The following GPR173 variants were observed in gnomAD, a reference collection of about 807,000 sequenced individuals.
The protein encoded by GPR173 is G protein-coupled receptor 173.
A neutral mutation model predicts 13.9 loss-of-function variants in GPR173; 2 were observed. The observed-to-expected ratio is 0.14, with a 90% CI of 0.06 to 0.45. The LOEUF is 0.45. Ranked by LOEUF, GPR173 falls within the 20% of genes least tolerant of loss-of-function variation. GPR173 has a pLI of 0.98. For synonymous variants in GPR173, 131 were observed against 141.0 expected (o/e 0.93, Z 0.50); for missense variants, 202 against 340.5 (o/e 0.59, Z 3.20).
At chrX:53,072,222 T>G (rs1556804831) in intron 1 of GPR173, among the ~76,000 whole-genome samples, 1 of 110,469 alleles carries the variant, frequency 9.1e-6, no homozygotes, top group African/African-American at 3.3e-5. Flanking sequence ...CTTCTCGGTC[T>G]TAGCGTGGCT....
chrX:53,067,694 G>C (rs1932201800), intron 1 of GPR173, among the ~76,000 whole-genome samples: 1 of 110,763 alleles, frequency 9.0e-6, no homozygotes, highest in Admixed American at 9.6e-5. Context: ...CATGGTGGCA[G>C]GTGCCTGTAG....
chrX:53,070,283 C>T (rs1339369009), intron 1 of GPR173, among the ~76,000 whole-genome samples: 2 of 110,603 alleles, frequency 1.8e-5, no homozygotes, highest in African/African-American at 6.6e-5. Flanking sequence ...TTTGAGATCT[C>T]GTTCATCCAT....
chrX:53,053,267 TTATG>T (rs782489135), intron 1 of GPR173, among the ~76,000 whole-genome samples: 83 of 112,635 alleles, frequency 7.4e-4, no homozygotes, highest in African/African-American at 2.4e-3. Context: ...ATCTAGGTGT[TTATG>T]TGTGTGAGTG....
At position 53,077,104 on chromosome X, in the gene GPR173, C is replaced by T; in HGVS notation, c.483C>T (p.Asp161=). The part of the protein sequence containing the change: ...SVAMAFPPVF[D]VGTYKFIREE... ...CCATGGCCTTCCCACCTGTCTTTGA[C>T]GTGGGCACCTACAAGTTTATTCGGG... The change falls in exon 2 of 2, where the codon GAC becomes GAT. Residue 161 remains aspartate, a synonymous_variant. Coordinates refer to ENST00000332582, the MANE Select transcript of GPR173 (RefSeq NM_018969.6). 3 of 1,209,474 alleles carry T rather than the reference C, an allele frequency of 2.5e-6. No homozygotes were observed. The highest frequency in any genetic ancestry group is 2.2e-6 in the Non-Finnish European group (2 of 893,598).
At chrX:53,074,146 T>A (rs1205854079) in intron 1 of GPR173, among the ~76,000 whole-genome samples, 1 of 92,044 alleles carries the variant, frequency 1.1e-5, no homozygotes, top group African/African-American at 4.9e-5. Flanking sequence ...ACATGTATAT[T>A]TATTCATATA....
chrX:53,069,648 G>T (rs1932232358), intron 1 of GPR173, among the ~76,000 whole-genome samples: 1 of 112,558 alleles, frequency 8.9e-6, no homozygotes, highest in African/African-American at 3.2e-5. Context: ...ACACATGTTT[G>T]CCCATGTGTA....
rs368537716 is a variant in GPR173, at chrX:53,077,519, T to G, written c.898T>G (p.Ser300Ala). Residue 300 changes from serine to alanine, a missense_variant, in exon 2 of 2, where the codon TCA becomes GCA. Ser to Ala is a moderately conservative substitution (Grantham distance 99, BLOSUM62 1). Transcript: ENST00000332582. Reference sequence around the variant, plus strand: ...CACACTGCTCTTTCTGCTCCTCTGGTCACCCTACATCGTGGCCTGCTACTG... The same window carrying G: ...CACACTGCTCTTTCTGCTCCTCTGGGCACCCTACATCGTGGCCTGCTACTG... ...AITLLFLLLW[S>A]PYIVACYWRV... The G allele has an allele frequency of 5.0e-6, 6 of 1,210,024 alleles. No individual in the cohort carries two copies. The highest frequency in any genetic ancestry group is 6.7e-6 in the Non-Finnish European group (6 of 894,644).
intron 1 of GPR173, among the ~76,000 whole-genome samples, chrX:53,071,811 C>T (rs1932261104): frequency 8.9e-6 from 1 of 111,999 alleles, no homozygotes; most frequent in African/African-American, 3.2e-5. Flanking sequence ...CCTCTGCCTC[C>T]GTGTGCGTGT....
rs1250369183 is a variant in GPR173 at position 53,079,155 on chromosome X, C to T, written c.*1412C>T. The T allele has an allele frequency of 8.1e-6, 1 of 122,987 alleles. No homozygotes were observed. The highest frequency in any genetic ancestry group is 1.9e-5 in the Non-Finnish European group (1 of 53,139). 10.1% of individuals were successfully genotyped at this position (122,987 alleles called of 1,213,427 possible). A position where few individuals can be genotyped will look rare whatever the true frequency, so the allele number is the denominator to read the frequency against. On this transcript the variant is annotated 3_prime_UTR_variant, in exon 2 of 2. Coordinates refer to ENST00000332582, the MANE Select transcript of GPR173 (RefSeq NM_018969.6). ...CCCTGGTCTTACCCAGGCTCTCTGT[C>T]CCCCTCTCACTTCCTGTGGGGCCGG...
At chrX:53,052,527 G>A (rs924627380) in intron 1 of GPR173, among the ~76,000 whole-genome samples, 33 of 110,174 alleles carry the variant, frequency 3.0e-4, no homozygotes, top group Non-Finnish European at 3.0e-4. Flanking sequence ...CTGGCTGTGT[G>A]TGTTTCATTG....
At chrX:53,057,679 G>A (rs1294533786) in intron 1 of GPR173, among the ~76,000 whole-genome samples, 2 of 110,043 alleles carry the variant, frequency 1.8e-5, no homozygotes, top group Non-Finnish European at 3.8e-5. Flanking sequence ...ACTTGAACCC[G>A]GGAGGTGGAG....
intron 1 of GPR173, among the ~76,000 whole-genome samples, chrX:53,062,820 G>A (rs1227928591): frequency 3.6e-5 from 4 of 110,398 alleles, no homozygotes; most frequent in African/African-American, 1.3e-4. Context: ...TGGGATTACC[G>A]TGCCCAGCCA....
At chrX:53,057,926 C>CCA (rs1251854854) in intron 1 of GPR173, among the ~76,000 whole-genome samples, 1 of 112,285 alleles carries the variant, frequency 8.9e-6, no homozygotes, top group Non-Finnish European at 1.9e-5. Context: ...TAGTATGTGT[C>CCA]CATCTGCAAG....
At chrX:53,074,704 T>C (rs1317231282) in intron 1 of GPR173, among the ~76,000 whole-genome samples, 1 of 90,604 alleles carries the variant, frequency 1.1e-5, no homozygotes, top group Non-Finnish European at 2.1e-5. Flanking sequence ...AATATATAAA[T>C]ATATATTTAT....
intron 1 of GPR173, among the ~76,000 whole-genome samples, chrX:53,073,862 A>C (rs868967761): frequency 7.3e-5 from 2 of 27,584 alleles, no homozygotes; most frequent in Non-Finnish European, 1.6e-4. Flanking sequence ...ATAAATTTAT[A>C]TATTTTATAT....
intron 1 of GPR173, among the ~76,000 whole-genome samples, chrX:53,076,190 GAC>G (rs1932428987): frequency 9.0e-6 from 1 of 110,898 alleles, no homozygotes; most frequent in Admixed American, 9.5e-5. Context: ...AGGGCTCGTA[GAC>G]ACACTAACCC....
rs1320358721 is a variant in GPR173 at position 53,079,473 on chromosome X, A to T, written c.*1730A>T. On this transcript the variant is annotated 3_prime_UTR_variant, in exon 2 of 2. Coordinates refer to ENST00000332582, the MANE Select transcript of GPR173 (RefSeq NM_018969.6). ...CAAGGGGGTGGGGGGTAGATAGGGT[A>T]CATTTAGGAGGGTTTTCCTCCATTT... The T allele has an allele frequency of 8.3e-6, 1 of 120,589 alleles. No individual in the cohort carries two copies. The highest frequency in any genetic ancestry group is 3.3e-5 in the African/African-American group (1 of 30,215). The allele number at this position is 120,589 out of a possible 1,213,427, so 9.9% of individuals were successfully genotyped here.
intron 1 of GPR173, among the ~76,000 whole-genome samples, chrX:53,064,321 C>T (rs1413080105): frequency 5.4e-5 from 6 of 111,799 alleles, no homozygotes; most frequent in East Asian, 2.8e-4. Context: ...GTAATCCCAG[C>T]GCTTTGGTAG....
Position 53,077,410 on chromosome X carries a change from G to A in GPR173, c.789G>A (p.Gln263=), listed in dbSNP as rs782379193. 8.3e-7 allele frequency: 1 copy of A among 1,205,486 alleles called. No individual in the cohort carries two copies. Among genetic ancestry groups the A allele is most frequent in the Admixed American group, 2.2e-5 (1 of 45,480 alleles). ...CACCAACCCTGCTGGGTATCCGGCA[G>A]AATGGGCATGCAGCCAGCCGGCGGC... ...PMPPTLLGIR[Q]NGHAASRRLL... is the part of the protein sequence containing the mutation. The change falls in exon 2 of 2, where the codon CAG becomes CAA. Residue 263 remains glutamine, a synonymous_variant. Transcript: ENST00000332582.
Sources: gnomAD v4.1 joint callset for allele counts (sites outside exome capture counted in the v4.1 genomes callset) on GRCh38, gnomAD v4.1.1 for gene constraint, MANE v1.5 for transcripts, NCBI Gene and HGNC (gene_info 2026-07-23, HGNC 2026-07-21) for gene names.